KLHL3: variants seen among roughly 807,000 people sequenced by gnomAD.
The protein encoded by KLHL3 is kelch like family member 3, also known as kelch-like protein 3.
In KLHL3, 19 loss-of-function variants were observed where a neutral mutation model predicts 70.5. The observed-to-expected ratio is 0.27, with a 90% CI of 0.19 to 0.40. KLHL3 has a LOEUF of 0.40. KLHL3 is among the 10% of genes least tolerant of loss of function. The pLI is 1.00. For synonymous variants in KLHL3, 258 were observed against 290.3 expected (o/e 0.89, Z 1.13); for missense variants, 512 against 771.1 (o/e 0.66, Z 3.98).
chr5:137,659,980 C>T (rs1467349650), intron 7 of KLHL3, among the ~76,000 whole-genome samples: 1 of 152,042 alleles, frequency 6.6e-6, no homozygotes, highest in Admixed American at 6.5e-5. Context: ...GAGGTCTGCC[C>T]AGGGCTTTCC....
chr5:137,637,884 A>C (rs1177685064), intron 10 of KLHL3, among the ~76,000 whole-genome samples: 6 of 152,214 alleles, frequency 3.9e-5, no homozygotes, highest in Non-Finnish European at 8.8e-5. Flanking sequence ...TTTCTAATAT[A>C]GATACCATTC....
At chr5:137,643,017 T>C (rs1750955700) in intron 8 of KLHL3, among the ~76,000 whole-genome samples, 1 of 152,096 alleles carries the variant, frequency 6.6e-6, no homozygotes, top group Non-Finnish European at 1.5e-5. Context: ...GAAATGCAAA[T>C]TTTTTAATGT....
intron 12 of KLHL3, chr5:137,629,415 C>T (rs1750573065): frequency 6.6e-6 from 1 of 152,196 alleles, no homozygotes; most frequent in Non-Finnish European, 1.5e-5. Context: ...GCATCTCAAT[C>T]GACTGGGAAG....
At position 137,720,880 on chromosome 5, in the gene KLHL3, A is replaced by C. The variant is rs935568821; in HGVS notation, c.15-296T>G. ...TCCTGAAAACTGAAGGGGACTAAGC[A>C]CTCTATCACTCACTTCACAGGTTTG... On this transcript the variant is annotated intron_variant, in intron 1 of 14. Transcript: ENST00000309755. The C allele has an allele frequency of 3.4e-6, 4 of 1,161,474 alleles. No homozygotes were observed. In the African/African-American group the frequency reaches 4.8e-5, roughly 14 times the overall value. The allele number at this position is 1,161,474 out of a possible 1,614,324, so 71.9% of individuals were successfully genotyped here. A position where few individuals can be genotyped will look rare whatever the true frequency, so the allele number is the denominator to read the frequency against.
intron 3 of KLHL3, among the ~76,000 whole-genome samples, chr5:137,704,342 G>A (rs1026163510): frequency 5.3e-5 from 8 of 151,550 alleles, no homozygotes; most frequent in African/African-American, 1.5e-4. Context: ...CCGAGATTGC[G>A]CCACTGCAGT....
intron 11 of KLHL3, 143 bp downstream of exon 11, chr5:137,637,151 T>C: frequency 3.3e-6 from 2 of 614,256 alleles, no homozygotes; most frequent in South Asian, 3.7e-5. Flanking sequence ...CCTCATCCGC[T>C]AAATCAGGAT....
chr5:137,639,826 G>A lies in KLHL3; in HGVS notation c.1021+34C>T. 6.5e-7 allele frequency: 1 copy of A among 1,549,770 alleles called. No individual in the cohort carries two copies. The highest frequency in any genetic ancestry group is 8.9e-7 in the Non-Finnish European group (1 of 1,121,396). On this transcript the variant is annotated intron_variant, in intron 9 of 14. Coordinates refer to ENST00000309755, the MANE Select transcript of KLHL3 (RefSeq NM_017415.3). The surrounding 1 kb of genome is among the most constrained non-coding windows in gnomAD (Gnocchi z 5.0). ...TGGCACGGAGTGGGGACCAGCAGGG[G>A]AAAAACAGCTTGCAGAACTGGGAGG...
chr5:137,720,965 T>A (rs1488881443), intron 1 of KLHL3: 6 of 849,068 alleles, frequency 7.1e-6, no homozygotes, highest in Non-Finnish European at 8.6e-6. Flanking sequence ...GCGTTTAGAT[T>A]TAAGGGAAAC....
At chr5:137,649,128 A>G (rs1008210647) in intron 8 of KLHL3, among the ~76,000 whole-genome samples, 3 of 152,146 alleles carry the variant, frequency 2.0e-5, no homozygotes, top group African/African-American at 7.2e-5. Context: ...CTAGGCTTAA[A>G]CCTCAACTCA....
intron 10 of KLHL3, 48 bp downstream of exon 10, chr5:137,638,905 A>G: frequency 6.4e-7 from 1 of 1,562,104 alleles, no homozygotes; most frequent in East Asian, 2.3e-5. Context: ...GGTTGCATGG[A>G]GGATGTGTCC....
intron 5 of KLHL3, among the ~76,000 whole-genome samples, chr5:137,682,875 G>A (rs1351965682): frequency 1.3e-5 from 2 of 152,076 alleles, no homozygotes; most frequent in African/African-American, 2.4e-5. Context: ...CTAGCCCCAG[G>A]ACTATTCTTC....
chr5:137,708,604 C>T (rs1267965321), intron 3 of KLHL3, among the ~76,000 whole-genome samples: 1 of 152,166 alleles, frequency 6.6e-6, no homozygotes, highest in Non-Finnish European at 1.5e-5. Flanking sequence ...GGTCCCTGTC[C>T]TCATGGGGCT....
chr5:137,673,074 C>A (rs2905587), intron 6 of KLHL3: 123,914 of 152,180 alleles, frequency 0.81, 50,964 homozygotes, highest in East Asian at 0.98. Flanking sequence ...CAGTGTTCCA[C>A]GCTAAGGAAT....
intron 12 of KLHL3, among the ~76,000 whole-genome samples, chr5:137,633,197 G>A (rs913502565): frequency 4.0e-4 from 60 of 149,436 alleles, no homozygotes; most frequent in African/African-American, 1.2e-3. Context: ...GGAGAATGGC[G>A]GAACCCGGGA....
chr5:137,680,202 T>C lies in KLHL3; in HGVS notation c.527-2548A>G, dbSNP rs145441880. 1.9e-3 allele frequency among the ~76,000 whole-genome samples: 287 copies of C among 152,334 alleles called. 6 individuals carry two copies. In the Middle Eastern group the frequency reaches 0.027, roughly 14 times the overall value. On this transcript the variant is annotated intron_variant, in intron 5 of 14. Transcript: ENST00000309755. ...AGATACCTTCCTGAATCATCTTCTA[T>C]TTTGAACAATTATTTGGGGTTTTTT...
intron 3 of KLHL3, among the ~76,000 whole-genome samples, chr5:137,707,851 C>G (rs1439734085): frequency 6.6e-6 from 1 of 152,168 alleles, no homozygotes; most frequent in South Asian, 2.1e-4. Flanking sequence ...GAGGCAAGTT[C>G]GTTAACAAAA....
At chr5:137,643,960 T>C (rs1237297443) in intron 8 of KLHL3, among the ~76,000 whole-genome samples, 1 of 152,172 alleles carries the variant, frequency 6.6e-6, no homozygotes, top group African/African-American at 2.4e-5. Flanking sequence ...TTAGATTTCA[T>C]ATATAAGTGA....
chr5:137,673,006 C>G (rs947832346), intron 6 of KLHL3: 4 of 152,322 alleles, frequency 2.6e-5, no homozygotes, highest in African/African-American at 9.6e-5. Context: ...ATGCACCTGA[C>G]AGCAATAACT....
intron 5 of KLHL3, among the ~76,000 whole-genome samples, chr5:137,683,753 CTCT>C (rs1274715545): frequency 2.9e-5 from 3 of 102,864 alleles, no homozygotes; most frequent in Non-Finnish European, 5.8e-5. Context: ...CTCTCTCTCT[CTCT>C]AGCTCTCTTT....
Sources: gnomAD v4.1 joint callset for allele counts (sites outside exome capture counted in the v4.1 genomes callset) on GRCh38, gnomAD v4.1.1 for gene constraint, Gnocchi (gnomAD v3.1) non-coding constraint, MANE v1.5 for transcripts, NCBI Gene and HGNC (gene_info 2026-07-23, HGNC 2026-07-21) for gene names.